Variants in CHODL observed in about 807,000 individuals in gnomAD.
CHODL encodes transmembrane protein MT75.
A neutral mutation model predicts 34.5 loss-of-function variants in CHODL; 29 were observed. That is an observed-to-expected ratio of 0.84 (90% confidence interval 0.63 to 1.15). The LOEUF (loss-of-function observed/expected upper bound fraction) is 1.15. Ranked by LOEUF, CHODL falls within the 50% of genes most tolerant of loss-of-function variation. The pLI is 0.00. For synonymous variants in CHODL, 125 were observed against 116.1 expected (o/e 1.08, Z -0.49); for missense variants, 332 against 332.5 (o/e 1.00, Z 0.01).
Position 17,955,204 on chromosome 21 carries a change from C to A in CHODL, c.-145+37804C>A, listed in dbSNP as rs1229877827. ...TCAGCCACCTTAAAAATGATAATTT[C>A]TTTTTTCACTGAAATAATCTTACCT... On this transcript the variant is annotated intron_variant, in intron 1 of 6. Coordinates refer to the CHODL transcript ENST00000400127. Among the ~76,000 whole-genome samples, 4 of 136,754 alleles carry A rather than the reference C, an allele frequency of 2.9e-5. 1 individual carries two copies. Among genetic ancestry groups the A allele is most frequent in the African/African-American group, 1.0e-4 (4 of 40,020 alleles). The allele number at this position is 136,754 out of a possible 152,430, so 89.7% of individuals were successfully genotyped here.
chr21:18,266,147 A>C lies in CHODL; in HGVS notation c.*109A>C, dbSNP rs756923830. The C allele has an allele frequency of 3.8e-6, 6 of 1,597,726 alleles. No homozygotes were observed. The highest frequency in any genetic ancestry group is 5.1e-6 in the Non-Finnish European group (6 of 1,170,276). Reference sequence around the variant, plus strand: ...AAATCACAAAGGATCTGCAAGATGAACTGTAAGCTCCCCCTTGAGGCAAAT... The same window carrying C: ...AAATCACAAAGGATCTGCAAGATGACCTGTAAGCTCCCCCTTGAGGCAAAT... On this transcript the variant is annotated 3_prime_UTR_variant, in exon 6 of 6. Coordinates refer to ENST00000299295, the MANE Select transcript of CHODL (RefSeq NM_024944.3).
At chr21:17,955,550 A>G (rs2063488912) in intron 1 of CHODL, among the ~76,000 whole-genome samples, 1 of 136,844 alleles carries the variant, frequency 7.3e-6, no homozygotes, top group African/African-American at 2.5e-5. Context: ...ATTCTGCATA[A>G]TGACTCTTTA....
At chr21:18,114,736 T>TA (rs1360261411) in intron 2 of CHODL, 1 of 152,248 alleles carries the variant, frequency 6.6e-6, no homozygotes, top group Non-Finnish European at 1.5e-5. Context: ...ACGGCCGGCA[T>TA]AAAAAACTTT....
chr21:18,031,210 C>T (rs979525207), intron 2 of CHODL, among the ~76,000 whole-genome samples: 1 of 152,124 alleles, frequency 6.6e-6, no homozygotes, highest in African/African-American at 2.4e-5. Flanking sequence ...GCAACCAATG[C>T]AGACCCACTT....
chr21:18,147,667 A>C (rs976143725), intron 2 of CHODL, among the ~76,000 whole-genome samples: 1 of 152,244 alleles, frequency 6.6e-6, no homozygotes, highest in Non-Finnish European at 1.5e-5. Context: ...CTTTGTAGGC[A>C]TCTGGTCTCT....
intron 2 of CHODL, among the ~76,000 whole-genome samples, chr21:18,115,975 T>G (rs931917160): frequency 3.9e-5 from 6 of 152,164 alleles, no homozygotes; most frequent in Non-Finnish European, 7.3e-5. Context: ...TACTGCCTTT[T>G]TTGTTGTTGT....
rs189163518 is a variant in CHODL, at chr21:18,170,134, T to C, written c.-44-86375T>C. Among the ~76,000 whole-genome samples the C allele has an allele frequency of 1.6e-3, 244 of 152,172 alleles. 2 individuals are homozygous for C. In the South Asian group the frequency reaches 0.018, roughly 11 times the overall value. ...TTTTGGTGCATGTATATTTTCATTT[T>C]TTTATGTCTTTCTGATGGAACGACT... On this transcript the variant is annotated intron_variant, in intron 2 of 6. Coordinates refer to the CHODL transcript ENST00000400127.
At chr21:18,237,911 T>C (rs1310077804) in intron 2 of CHODL, among the ~76,000 whole-genome samples, 1 of 152,048 alleles carries the variant, frequency 6.6e-6, no homozygotes, top group African/African-American at 2.4e-5. Flanking sequence ...GGACAAACAT[T>C]AAATAAATAC....
chr21:18,203,967 A>T (rs1419035128), intron 2 of CHODL, among the ~76,000 whole-genome samples: 2 of 152,128 alleles, frequency 1.3e-5, no homozygotes, highest in African/African-American at 4.8e-5. Flanking sequence ...AACTGATACA[A>T]ATCTTCAAAT....
At chr21:18,157,136 G>A (rs1330845830) in intron 2 of CHODL, among the ~76,000 whole-genome samples, 5 of 152,194 alleles carry the variant, frequency 3.3e-5, no homozygotes, top group Non-Finnish European at 7.4e-5. Context: ...CTGCTTACAT[G>A]CACAGGGACT....
chr21:18,182,463 T>C (rs1216701045), intron 2 of CHODL, among the ~76,000 whole-genome samples: 1 of 152,220 alleles, frequency 6.6e-6, no homozygotes, highest in Non-Finnish European at 1.5e-5. Context: ...CATTTCAGAA[T>C]GCATGAGTGT....
chr21:17,982,198 CAT>C (rs1207231238), intron 1 of CHODL, among the ~76,000 whole-genome samples: 1 of 152,168 alleles, frequency 6.6e-6, no homozygotes, highest in African/African-American at 2.4e-5. Context: ...TGAGTATGCA[CAT>C]GTTTCTTTGT....
intron 1 of CHODL, among the ~76,000 whole-genome samples, chr21:17,935,340 G>T (rs1268448023): frequency 6.6e-6 from 1 of 152,096 alleles, no homozygotes; most frequent in African/African-American, 2.4e-5. Context: ...ACTGCTAGTG[G>T]CCACTCAGTT....
intron 1 of CHODL, among the ~76,000 whole-genome samples, chr21:18,023,667 C>T (rs1435407881): frequency 6.6e-6 from 1 of 152,096 alleles, no homozygotes; most frequent in Non-Finnish European, 1.5e-5. Flanking sequence ...TTGTTTTCTC[C>T]CCTTAACCAA....
chr21:17,986,408 T>C (rs1236606161), intron 1 of CHODL, among the ~76,000 whole-genome samples: 2 of 151,786 alleles, frequency 1.3e-5, no homozygotes, highest in African/African-American at 2.4e-5. Flanking sequence ...AGTGAGAACA[T>C]GAGGTGTTTG....
chr21:17,998,620 T>C (rs912866262), intron 1 of CHODL, among the ~76,000 whole-genome samples: 8 of 152,240 alleles, frequency 5.3e-5, no homozygotes, highest in African/African-American at 1.9e-4. Flanking sequence ...ACCTCAATCC[T>C]TTACTTCTGT....
At chr21:18,191,515 A>C (rs537650548) in intron 2 of CHODL, among the ~76,000 whole-genome samples, 2 of 152,314 alleles carry the variant, frequency 1.3e-5, no homozygotes, top group South Asian at 4.1e-4. Flanking sequence ...GTAATATGTC[A>C]TTGTGATTTT....
At chr21:17,988,809 T>C (rs955532464) in intron 1 of CHODL, among the ~76,000 whole-genome samples, 2 of 151,908 alleles carry the variant, frequency 1.3e-5, no homozygotes, top group Admixed American at 6.6e-5. Flanking sequence ...TGTTGGACAT[T>C]TGGGTTGGTT....
intron 1 of CHODL, among the ~76,000 whole-genome samples, chr21:18,027,396 T>C (rs1568850364): frequency 6.6e-6 from 1 of 152,204 alleles, no homozygotes; most frequent in Non-Finnish European, 1.5e-5. Context: ...CTTCTAATTA[T>C]AGATTTTGAA....
Sources: allele counts gnomAD v4.1 joint callset (sites outside exome capture counted in the v4.1 genomes callset), GRCh38; gene constraint gnomAD v4.1.1; transcripts MANE v1.5; gene names NCBI Gene and HGNC (gene_info 2026-07-23, HGNC 2026-07-21).